EEA1: variants seen among roughly 807,000 people sequenced by gnomAD.
EEA1 encodes the protein early endosome antigen 1, also known as early endosome antigen 1, 162kD.
EEA1 carries 111 observed loss-of-function variants against 209.2 expected under a neutral mutation model. The ratio of observed to expected loss-of-function variants is 0.53; its 90% CI spans 0.45 to 0.62. The LOEUF is 0.62. EEA1 is among the 20% of genes least tolerant of loss of function. The pLI, the probability that EEA1 is intolerant of heterozygous loss-of-function variation, is 0.00. For synonymous variants in EEA1, 536 were observed against 540.6 expected, an observed-to-expected ratio of 0.99 and a Z score of 0.12; for missense variants, 1,343 against 1,530.8, an observed-to-expected ratio of 0.88 and a Z score of 2.05.
At position 92,802,481 on chromosome 12, in the gene EEA1, C is replaced by G; in HGVS notation, c.2593G>C (p.Val865Leu). The change falls in exon 19 of 29, where the codon GTT (valine) becomes CTT (leucine). Residue 865 changes from valine to leucine, a missense_variant. This residue lies in a region of EEA1 where 1,307 missense variants were observed against 1,465.5 expected (regional missense o/e 0.89). Coordinates refer to ENST00000322349, the MANE Select transcript of EEA1 (RefSeq NM_003566.4). Reference sequence around the variant, plus strand: ...TTAGAGTTTTTCAAAGAATCAGAAACTTTTGATAGTTTGTCCTTTACTGTA... The same window carrying G: ...TTAGAGTTTTTCAAAGAATCAGAAAGTTTTGATAGTTTGTCCTTTACTGTA... Reference protein sequence around the residue: ...LSTVKDKLSKVSDSLKNSKSE... With the variant: ...LSTVKDKLSKLSDSLKNSKSE... 1 of 1,579,488 alleles carries G rather than the reference C, an allele frequency of 6.3e-7. No homozygotes were observed. The highest frequency in any genetic ancestry group is 1.2e-5 in the South Asian group (1 of 83,746).
rs1246178474 is a variant in EEA1, at chr12:92,777,596, C to T, written c.3961G>A (p.Asp1321Asn). The change falls in exon 27 of 29, where the codon GAT becomes AAT. Residue 1321 changes from aspartate (D) to asparagine (N), a missense_variant. By Grantham distance (23) the Asp-to-Asn change is conservative. Coordinates refer to ENST00000322349, the MANE Select transcript of EEA1 (RefSeq NM_003566.4). ...TCCTGCACTGCTGCAGTTGTATTATCCAGCTTTCTTTGCAATTCTAATACT... is the reference window on the plus strand; with the variant it reads ...TCCTGCACTGCTGCAGTTGTATTATTCAGCTTTCTTTGCAATTCTAATACT... Reference protein sequence around the residue: ...TKVLELQRKLDNTTAAVQELG... With the variant: ...TKVLELQRKLNNTTAAVQELG... The T allele has an allele frequency of 4.3e-6, 7 of 1,612,270 alleles. No individual in the cohort carries two copies. Among genetic ancestry groups the T allele is most frequent in the Middle Eastern group, 1.6e-4 (1 of 6,072 alleles).
rs1878583415 is a variant in EEA1 at position 92,870,280 on chromosome 12, G to A, written c.118-5293C>T. On this transcript the variant is annotated intron_variant, in intron 2 of 28. Transcript: ENST00000322349. ...AAAAGTAATTTTTGGTCTTTCTGGT[G>A]CAAAAGGTTGCATTATTTTATAAGA... 2.0e-5 allele frequency among the ~76,000 whole-genome samples: 3 copies of A among 152,034 alleles called. No homozygotes were observed. The South Asian group carries it at 6.2e-4, about 31-fold the overall frequency.
chr12:92,913,271 AT>A (rs1481699913), intron 1 of EEA1, among the ~76,000 whole-genome samples: 1 of 152,096 alleles, frequency 6.6e-6, no homozygotes, highest in Non-Finnish European at 1.5e-5. Context: ...ATCTCAATGC[AT>A]TTTTAATTTG....
intron 21 of EEA1, among the ~76,000 whole-genome samples, chr12:92,792,894 G>A (rs1462545883): frequency 6.6e-6 from 1 of 152,118 alleles, no homozygotes; most frequent in Non-Finnish European, 1.5e-5. Context: ...TAAAATACTG[G>A]CAAACCGAAT....
intron 2 of EEA1, among the ~76,000 whole-genome samples, chr12:92,870,533 T>C (rs1178058092): frequency 6.6e-6 from 1 of 152,194 alleles, no homozygotes; most frequent in African/African-American, 2.4e-5. Context: ...TATGAGAGTA[T>C]GTCATTCTGT....
At chr12:92,928,995 C>G (rs1156532605) in intron 1 of EEA1, 48 bp downstream of exon 1, 6 of 1,562,540 alleles carry the variant, frequency 3.8e-6, no homozygotes, top group Non-Finnish European at 5.2e-6. Flanking sequence ...CCCCGAGCTC[C>G]GGCTGTCCCG....
At chr12:92,883,772 T>C (rs1879265331) in intron 2 of EEA1, 1 of 1,459,374 alleles carries the variant, frequency 6.9e-7, no homozygotes, top group Non-Finnish European at 9.6e-7. Context: ...CTCCCTTCCG[T>C]CATGTCTAAG....
intron 14 of EEA1, among the ~76,000 whole-genome samples, chr12:92,818,371 T>C (rs1875891431): frequency 6.6e-6 from 1 of 152,198 alleles, no homozygotes. Context: ...GCACTGCCTA[T>C]TGTCCAATGT....
chr12:92,788,141 A>G (rs1322678505), intron 21 of EEA1, 92 bp from the exon 22 acceptor site: 1 of 1,120,192 alleles, frequency 8.9e-7, no homozygotes, highest in Non-Finnish European at 1.2e-6. Flanking sequence ...AGAAAATTCC[A>G]AACAATAAGA....
Position 92,777,643 on chromosome 12 carries a change from T to C in EEA1, c.3914A>G (p.Glu1305Gly). ...LLERCLKGEG[E>G]IEKLQTKVLE... Reference sequence around the variant, plus strand: ...TACTTTGGTTTGAAGCTTTTCTATTTCACCTTCTCCTTTAAGACATCTGGA... The same window carrying C: ...TACTTTGGTTTGAAGCTTTTCTATTCCACCTTCTCCTTTAAGACATCTGGA... Residue 1305 changes from glutamate to glycine, a missense_variant, in exon 27 of 29, where the codon GAA becomes GGA. Coordinates refer to ENST00000322349, the MANE Select transcript of EEA1 (RefSeq NM_003566.4). 6.2e-7 allele frequency: 1 copy of C among 1,611,830 alleles called. No individual in the cohort carries two copies.
intron 13 of EEA1, 71 bp downstream of exon 13, chr12:92,826,095 T>G: frequency 1.4e-6 from 2 of 1,463,924 alleles, no homozygotes; most frequent in South Asian, 2.8e-5. Flanking sequence ...TTAATTTTAT[T>G]TTTTCTCTTA....
chr12:92,826,067 G>T (rs766411328), intron 13 of EEA1, 99 bp downstream of exon 13: 2 of 1,290,368 alleles, frequency 1.5e-6, no homozygotes, highest in African/African-American at 1.5e-5. Context: ...ACAACAAAAG[G>T]ATAATGATTT....
rs566072056 is a variant in EEA1 at position 92,812,019 on chromosome 12, T to C, written c.2044-585A>G. Among the ~76,000 whole-genome samples, 3 of 152,280 alleles carry C rather than the reference T, an allele frequency of 2.0e-5. No individual in the cohort carries two copies. In the East Asian group the frequency reaches 5.8e-4, roughly 29 times the overall value. Reference sequence around the variant, plus strand: ...TCTGTTTTTTAACTTGATATACTTCTGTATTGTTTTTTAAAAAATGGACCA... The same window carrying C: ...TCTGTTTTTTAACTTGATATACTTCCGTATTGTTTTTTAAAAAATGGACCA... On this transcript the variant is annotated intron_variant, in intron 16 of 28. Coordinates refer to ENST00000322349, the MANE Select transcript of EEA1 (RefSeq NM_003566.4).
At chr12:92,836,681 A>G (rs1876943642) in intron 10 of EEA1, among the ~76,000 whole-genome samples, 2 of 152,166 alleles carry the variant, frequency 1.3e-5, no homozygotes, top group African/African-American at 4.8e-5. Flanking sequence ...CCTCTGCCAT[A>G]TGAAATGCTC....
chr12:92,795,972 T>G (rs1429201393), intron 21 of EEA1, among the ~76,000 whole-genome samples: 1 of 152,146 alleles, frequency 6.6e-6, no homozygotes, highest in Non-Finnish European at 1.5e-5. Context: ...TCAATATTTT[T>G]CCTTTGACAA....
intron 1 of EEA1, among the ~76,000 whole-genome samples, chr12:92,924,840 T>TAAA (rs58741191): frequency 1.3e-5 from 1 of 74,494 alleles, no homozygotes; most frequent in Admixed American, 1.7e-4. Context: ...CCTAACATGC[T>TAAA]AAAAAAAAAA....
chr12:92,882,421 TCCAC>T (rs1565848741), intron 2 of EEA1, among the ~76,000 whole-genome samples: 1 of 151,288 alleles, frequency 6.6e-6, no homozygotes. Flanking sequence ...TTTTTTTTTT[TCCAC>T]TTTTATTTTA....
intron 1 of EEA1, among the ~76,000 whole-genome samples, chr12:92,921,044 A>G (rs1194662647): frequency 2.0e-5 from 3 of 152,148 alleles, no homozygotes; most frequent in Admixed American, 6.6e-5. Flanking sequence ...CAAAACCACA[A>G]TGAGATACCA....
At chr12:92,806,522 C>G (rs562277554) in intron 18 of EEA1, among the ~76,000 whole-genome samples, 2 of 152,138 alleles carry the variant, frequency 1.3e-5, no homozygotes, top group Non-Finnish European at 2.9e-5. Flanking sequence ...AACTCTAAGC[C>G]TAGCCAGTTC....
Sources: gnomAD v4.1 joint callset for allele counts (sites outside exome capture counted in the v4.1 genomes callset) on GRCh38, gnomAD v4.1.1 for gene constraint, gnomAD v4.1.1 regional missense constraint, MANE v1.5 for transcripts, NCBI Gene and HGNC (gene_info 2026-07-23, HGNC 2026-07-21) for gene names.